The following AOX1 variants were observed in gnomAD, a reference collection of about 807,000 sequenced individuals.
AOX1 encodes aldehyde oxidase.
In AOX1, 153 loss-of-function variants were observed where a neutral mutation model predicts 169.5. That is an observed-to-expected ratio of 0.90 (90% CI 0.79 to 1.03). The LOEUF (loss-of-function observed/expected upper bound fraction) is 1.03. AOX1 is among the 50% of genes least tolerant of loss of function. AOX1 has a pLI of 0.00. For missense variants in AOX1, 1,656 were observed against 1,663.9 expected (o/e 1.00, Z 0.08); for synonymous variants, 562 against 581.9 (o/e 0.97, Z 0.49).
At chr2:200,605,944 C>A (rs1238771978) in intron 10 of AOX1, among the ~76,000 whole-genome samples, 6 of 152,188 alleles carry the variant, frequency 3.9e-5, no homozygotes, top group African/African-American at 1.4e-4. Context: ...TGCCTGTTCA[C>A]TCTGACACTA....
downstream of AOX1, among the ~76,000 whole-genome samples, chr2:200,676,470 T>C (rs2105783435): frequency 1.3e-5 from 2 of 151,850 alleles, no homozygotes; most frequent in Middle Eastern, 3.4e-3. Flanking sequence ...CCTGGTGGCG[T>C]GTGCCTGTAA....
intron 15 of AOX1, among the ~76,000 whole-genome samples, chr2:200,614,715 T>A (rs1024584138): frequency 2.6e-5 from 4 of 152,178 alleles, no homozygotes; most frequent in African/African-American, 9.6e-5. Context: ...TAGAAGTTAG[T>A]ATGGTCACTT....
chr2:200,616,780 G>A (rs982526739), intron 16 of AOX1, among the ~76,000 whole-genome samples: 2 of 152,178 alleles, frequency 1.3e-5, no homozygotes, highest in South Asian at 2.1e-4. Flanking sequence ...ACTTGACCTC[G>A]AGAGTTTTAG....
intron 19 of AOX1, among the ~76,000 whole-genome samples, chr2:200,625,347 G>A (rs370214789): frequency 6.3e-4 from 96 of 152,016 alleles, no homozygotes; most frequent in African/African-American, 2.2e-3. Context: ...CCAATATCAG[G>A]GGCTAAATAT....
chr2:200,656,889 T>G lies in AOX1; in HGVS notation c.3123T>G (p.Thr1041=). ...HIYLDGSVLV[T]HGGIEMGQGV... is the part of the protein sequence containing the mutation. ...ATCTTGATGGCTCTGTGCTGGTCAC[T>G]CACGGTGGAATTGAAATGGGGCAGG... The change falls in exon 27 of 35, where the codon ACT becomes ACG. Residue 1041 remains threonine, a synonymous_variant. Coordinates refer to ENST00000374700, the MANE Select transcript of AOX1 (RefSeq NM_001159.4). 6.3e-7 allele frequency: 1 copy of G among 1,584,928 alleles called. No homozygotes were observed. Among genetic ancestry groups the G allele is most frequent in the South Asian group, 1.2e-5 (1 of 84,862 alleles).
chr2:200,592,819 G>A (rs1372930452), intron 1 of AOX1, among the ~76,000 whole-genome samples: 5 of 152,040 alleles, frequency 3.3e-5, no homozygotes, highest in African/African-American at 1.2e-4. Context: ...AAGTCTGAAT[G>A]TTCTACTAAT....
At chr2:200,621,027 C>A in intron 17 of AOX1, 93 bp from the exon 18 acceptor site, 1 of 1,442,814 alleles carries the variant, frequency 6.9e-7, no homozygotes, top group Non-Finnish European at 9.4e-7. Context: ...GACTGTTGGA[C>A]AGTTCTTACC....
chr2:200,633,394 CTA>C (rs1169517499), intron 20 of AOX1, among the ~76,000 whole-genome samples: 1 of 151,872 alleles, frequency 6.6e-6, no homozygotes, highest in Non-Finnish European at 1.5e-5. Flanking sequence ...TTTTTCCAGT[CTA>C]TTTTTTTCTG....
At chr2:200,602,018 A>T (rs558655129) in intron 5 of AOX1, among the ~76,000 whole-genome samples, 2 of 151,994 alleles carry the variant, frequency 1.3e-5, no homozygotes, top group South Asian at 4.2e-4. Flanking sequence ...GTTTGAAATT[A>T]TTGTGTTGTT....
intron 14 of AOX1, among the ~76,000 whole-genome samples, 192 bp downstream of exon 14, chr2:200,612,985 A>T (rs907061520): frequency 4.1e-5 from 6 of 148,082 alleles, no homozygotes; most frequent in Middle Eastern, 3.2e-3. Flanking sequence ...CTGAAGTGGG[A>T]ATTATATACT....
rs199507417 is a variant in AOX1 at position 200,641,185 on chromosome 2, G to C, written c.2655+1G>C. On this transcript the variant is annotated splice_donor_variant, in intron 24 of 34. Coordinates refer to ENST00000374700, the MANE Select transcript of AOX1 (RefSeq NM_001159.4). LOFTEE classifies it high-confidence loss of function. ...CGCCTCCTTGGATGAATCATTATTC[G>C]TAAGTGTTTTAAGGAGCAAGTTCAC... is the stretch of plus-strand genomic sequence containing the variant. 48 of 1,602,856 alleles carry C rather than the reference G, an allele frequency of 3.0e-5. No homozygotes were observed. The highest frequency in any genetic ancestry group is 4.0e-5 in the Non-Finnish European group (47 of 1,170,222).
At chr2:200,591,935 A>G (rs1483225210) in intron 1 of AOX1, among the ~76,000 whole-genome samples, 1 of 152,146 alleles carries the variant, frequency 6.6e-6, no homozygotes, top group Non-Finnish European at 1.5e-5. Flanking sequence ...TGGAAGCCCA[A>G]GTGGAAGAAC....
chr2:200,634,808 G>A lies in AOX1; in HGVS notation c.2239G>A (p.Gly747Ser). The change falls in exon 21 of 35, where the codon GGT becomes AGT. Residue 747 changes from glycine (G) to serine (S), a missense_variant. Physicochemically the swap from Gly to Ser is moderately conservative, Grantham distance 56 (BLOSUM62 0). Transcript: ENST00000374700. ...TGTAACAGGTGAAATACATATGGGA[G>A]GTCAAGAACATTTTTATATGGAAAC... is the stretch of plus-strand genomic sequence containing the variant. ...QILEGEIHMG[G>S]QEHFYMETQS... 6.2e-7 allele frequency: 1 copy of A among 1,613,954 alleles called. No homozygotes were observed. The highest frequency in any genetic ancestry group is 8.5e-7 in the Non-Finnish European group (1 of 1,179,948).
At chr2:200,650,266 TGG>T (rs928458032) in intron 25 of AOX1, among the ~76,000 whole-genome samples, 1 of 152,192 alleles carries the variant, frequency 6.6e-6, no homozygotes, top group African/African-American at 2.4e-5. Context: ...CCAAATGAGA[TGG>T]CTTACTAATT....
intron 1 of AOX1, among the ~76,000 whole-genome samples, chr2:200,589,601 TAG>T (rs2034128121): frequency 6.8e-6 from 1 of 147,498 alleles, no homozygotes; most frequent in Non-Finnish European, 1.5e-5. Context: ...TTAAGTTGCA[TAG>T]AGAGAGGTTA....
chr2:200,651,295 C>CATA, intron 26 of AOX1, 94 bp downstream of exon 26: 1 of 1,057,416 alleles, frequency 9.5e-7, no homozygotes, highest in South Asian at 1.5e-5. Flanking sequence ...TCATATTAGC[C>CATA]ATATGGTTGC....
At position 200,634,897 on chromosome 2, in the gene AOX1, G is replaced by T; in HGVS notation, c.2328G>T (p.Gln776His). The stretch of plus-strand genomic sequence containing the variant: ...AAATGGATGTCTACGTGTCCACACA[G>T]TTTCCCAAATATATACAGGTAACAT... ...DQEMDVYVST[Q>H]FPKYIQDIVA... Residue 776 changes from glutamine (Q) to histidine (H), a missense_variant, in exon 21 of 35, where the codon CAG becomes CAT. Physicochemically the swap from Gln to His is conservative, Grantham distance 24 (BLOSUM62 0). Coordinates refer to ENST00000374700, the MANE Select transcript of AOX1 (RefSeq NM_001159.4). 1.2e-6 allele frequency: 2 copies of T among 1,614,058 alleles called. No homozygotes were observed. Among genetic ancestry groups the T allele is most frequent in the Non-Finnish European group, 1.7e-6 (2 of 1,179,934 alleles).
chr2:200,663,596 T>TCTCCCC (rs141563329), intron 31 of AOX1, among the ~76,000 whole-genome samples: 9 of 148,034 alleles, frequency 6.1e-5, no homozygotes, highest in Middle Eastern at 3.5e-3. Context: ...TCTCTCTCTC[T>TCTCCCC]CCCCCTCTTT....
chr2:200,633,648 G>A (rs887919645), intron 20 of AOX1, among the ~76,000 whole-genome samples: 2 of 151,938 alleles, frequency 1.3e-5, no homozygotes, highest in African/African-American at 2.4e-5. Context: ...TATTACAGCT[G>A]CTTTAAAATC....
Sources: allele counts gnomAD v4.1 joint callset (sites outside exome capture counted in the v4.1 genomes callset), GRCh38; gene constraint gnomAD v4.1.1; transcripts MANE v1.5; gene names NCBI Gene and HGNC (gene_info 2026-07-23, HGNC 2026-07-21).